Variants in RBFOX1 observed in about 807,000 individuals in gnomAD.
RBFOX1 encodes the protein RNA binding protein fox-1 homolog 1.
A neutral mutation model predicts 57.7 loss-of-function variants in RBFOX1; 8 were observed. That is an observed-to-expected ratio of 0.14 (90% confidence interval 0.08 to 0.25). The LOEUF is 0.25. Among genes scored for constraint, RBFOX1 ranks in the 10% least tolerant of loss-of-function variants. RBFOX1 has a pLI of 1.00. For missense variants in RBFOX1, 611 were observed against 548.5 expected (o/e 1.11, Z -1.14); for synonymous variants, 326 against 222.4 (o/e 1.47, Z -4.15).
intron 1 of RBFOX1, among the ~76,000 whole-genome samples, chr16:6,183,169 G>A (rs1244445362): frequency 6.6e-6 from 1 of 151,954 alleles, no homozygotes; most frequent in Non-Finnish European, 1.5e-5. Flanking sequence ...TGTATTAATC[G>A]CCATGAAGAA....
intron 1 of RBFOX1, among the ~76,000 whole-genome samples, chr16:6,106,920 C>G (rs1420651440): frequency 2.0e-5 from 3 of 152,124 alleles, no homozygotes; most frequent in African/African-American, 7.2e-5. Flanking sequence ...ATCTGCCCTC[C>G]TTGGCCTCCC....
intron 2 of RBFOX1, among the ~76,000 whole-genome samples, chr16:6,446,386 G>C (rs2094486296): frequency 1.3e-5 from 2 of 152,104 alleles, no homozygotes; most frequent in South Asian, 4.1e-4. Flanking sequence ...AAAAGGTAGA[G>C]AATTTGGTTT....
chr16:7,585,210 A>G (rs375064655), intron 6 of RBFOX1, among the ~76,000 whole-genome samples: 1 of 152,106 alleles, frequency 6.6e-6, no homozygotes, highest in African/African-American at 2.4e-5. Flanking sequence ...AGTTCACAAA[A>G]CTGGAGGTTT....
chr16:5,826,773 G>C (rs1049140918), intron 3 of RBFOX1, among the ~76,000 whole-genome samples: 1 of 152,164 alleles, frequency 6.6e-6, no homozygotes, highest in African/African-American at 2.4e-5. Context: ...TTTAACACAA[G>C]TTCCTTTTAT....
chr16:6,376,965 C>A (rs1253470418), intron 2 of RBFOX1, among the ~76,000 whole-genome samples: 4 of 151,888 alleles, frequency 2.6e-5, no homozygotes, highest in Non-Finnish European at 4.4e-5. Flanking sequence ...AAACTTCCTT[C>A]TTCTTATAAA....
intron 4 of RBFOX1, among the ~76,000 whole-genome samples, chr16:7,094,769 T>TGTGGGTGG (rs1555466444): frequency 7.2e-6 from 1 of 138,890 alleles, no homozygotes; most frequent in African/African-American, 2.6e-5. Flanking sequence ...TGTGTGTGTG[T>TGTGGGTGG]GTGTGTGGGT....
chr16:7,293,584 C>T (rs956834915), intron 4 of RBFOX1, among the ~76,000 whole-genome samples: 3 of 152,138 alleles, frequency 2.0e-5, no homozygotes, highest in Non-Finnish European at 4.4e-5. Context: ...AGAACCTGGA[C>T]TCGCAGGCCA....
At chr16:6,020,514 G>A (rs2095050065) in intron 1 of RBFOX1, among the ~76,000 whole-genome samples, 1 of 152,172 alleles carries the variant, frequency 6.6e-6, no homozygotes, top group Non-Finnish European at 1.5e-5. Context: ...GCGCCGCTGT[G>A]TTTACTGGCA....
At chr16:6,281,370 A>G (rs1444607554) in intron 1 of RBFOX1, among the ~76,000 whole-genome samples, 3 of 152,084 alleles carry the variant, frequency 2.0e-5, no homozygotes, top group African/African-American at 7.2e-5. Context: ...TCTGCATAGA[A>G]GTAGGGGACA....
intron 4 of RBFOX1, among the ~76,000 whole-genome samples, chr16:7,235,474 A>G (rs1412742510): frequency 6.6e-6 from 1 of 152,206 alleles, no homozygotes; most frequent in Non-Finnish European, 1.5e-5. Flanking sequence ...TAAGATGTAA[A>G]CATCGTAAAC....
intron 3 of RBFOX1, among the ~76,000 whole-genome samples, chr16:5,719,934 T>C (rs2051864384): frequency 6.6e-6 from 1 of 152,166 alleles, no homozygotes; most frequent in East Asian, 1.9e-4. Context: ...GTTCAGCTGC[T>C]AGGAGGGATG....
chr16:7,629,293 C>T (rs2060560645), intron 10 of RBFOX1, among the ~76,000 whole-genome samples: 1 of 152,138 alleles, frequency 6.6e-6, no homozygotes, highest in African/African-American at 2.4e-5. Context: ...TGGCAGGACC[C>T]CACACGCTTT....
chr16:5,872,155 A>C (rs1230606473), intron 4 of RBFOX1, among the ~76,000 whole-genome samples: 1 of 152,212 alleles, frequency 6.6e-6, no homozygotes, highest in Non-Finnish European at 1.5e-5. Context: ...AAAGGGGCTG[A>C]GCTGCTTAGT....
downstream of RBFOX1, among the ~76,000 whole-genome samples, chr16:5,603,042 A>G (rs1216373217): frequency 6.6e-6 from 1 of 152,182 alleles, no homozygotes; most frequent in Non-Finnish European, 1.5e-5. Flanking sequence ...CTGCTCCAGA[A>G]TGCAGAACAC....
intron 1 of RBFOX1, among the ~76,000 whole-genome samples, chr16:5,422,885 T>G (rs1212626906): frequency 1.6e-3 from 62 of 39,524 alleles, no homozygotes; most frequent in Middle Eastern, 0.026. Flanking sequence ...GAGTAGGGAG[T>G]GGGAGGAGGA....
intron 3 of RBFOX1, among the ~76,000 whole-genome samples, chr16:6,763,782 A>G (rs1159592312): frequency 6.6e-6 from 1 of 152,220 alleles, no homozygotes. Context: ...AAATGTTTAA[A>G]TGTGTTCACA....
chr16:5,827,403 GAA>G (rs60597828), intron 3 of RBFOX1, among the ~76,000 whole-genome samples: 3 of 137,666 alleles, frequency 2.2e-5, no homozygotes, highest in South Asian at 2.3e-4. Flanking sequence ...CCATCTCAGG[GAA>G]AAAAAAAAAA....
intron 3 of RBFOX1, among the ~76,000 whole-genome samples, chr16:7,027,127 C>T (rs374390239): frequency 4.6e-5 from 7 of 152,134 alleles, no homozygotes; most frequent in African/African-American, 1.7e-4. Flanking sequence ...CTTTCTATGC[C>T]TTAGAGTGCT....
intron 1 of RBFOX1, among the ~76,000 whole-genome samples, chr16:5,463,798 G>GA (rs796297997): frequency 0.063 from 7,125 of 113,586 alleles, 405 homozygotes; most frequent in African/African-American, 0.17. Context: ...AGACTGTCTC[G>GA]AAAAAAAAAA....
Sources: allele counts gnomAD v4.1 joint callset (sites outside exome capture counted in the v4.1 genomes callset), GRCh38; gene constraint gnomAD v4.1.1; transcripts MANE v1.5; gene names NCBI Gene and HGNC (gene_info 2026-07-23, HGNC 2026-07-21).